Variants in RNF214 observed in about 807,000 individuals in gnomAD.
RNF214 encodes ring finger protein 214.
Under a neutral mutation model 75.9 loss-of-function variants are expected in RNF214, and 25 were observed. That is an observed-to-expected ratio of 0.33 (90% CI 0.24 to 0.46). The LOEUF is 0.46. Ranked by LOEUF, RNF214 falls within the 20% of genes least tolerant of loss-of-function variation. The pLI is 1.00. For synonymous variants in RNF214, 314 were observed against 308.8 expected (o/e 1.02, Z -0.18); for missense variants, 725 against 857.5 (o/e 0.85, Z 1.93).
At chr11:117,244,405 T>C in intron 4 of RNF214, 40 bp from the exon 5 acceptor site, 1 of 1,576,078 alleles carries the variant, frequency 6.3e-7, no homozygotes, top group Non-Finnish European at 8.7e-7. Flanking sequence ...TTCTTGTGAT[T>C]AAATTAGGAA....
At chr11:117,275,684 A>G (rs2034003006) in intron 6 of RNF214, among the ~76,000 whole-genome samples, 2 of 152,210 alleles carry the variant, frequency 1.3e-5, no homozygotes, top group South Asian at 4.1e-4. Context: ...CCAAGCTTGA[A>G]CCAGGAAGAA....
intron 6 of RNF214, among the ~76,000 whole-genome samples, chr11:117,266,732 T>TC (rs2033804014): frequency 6.6e-6 from 1 of 152,076 alleles, no homozygotes; most frequent in Non-Finnish European, 1.5e-5. Flanking sequence ...CTCCTGGGAC[T>TC]CCACTGTCAG....
chr11:117,235,351 T>C (rs59654783), intron 2 of RNF214, among the ~76,000 whole-genome samples: 3,225 of 151,610 alleles, frequency 0.021, 130 homozygotes, highest in African/African-American at 0.073. Flanking sequence ...CGCCCGCCAC[T>C]ACGCCCGGCT....
chr11:117,263,711 G>A (rs1404143694), intron 6 of RNF214: 1 of 159,306 alleles, frequency 6.3e-6, no homozygotes, highest in Non-Finnish European at 1.4e-5. Flanking sequence ...ACTTCTAGGG[G>A]GTGGCAGAAA....
intron 5 of RNF214, among the ~76,000 whole-genome samples, chr11:117,245,382 C>G (rs925873236): frequency 1.3e-5 from 2 of 151,120 alleles, no homozygotes; most frequent in African/African-American, 2.4e-5. Context: ...CTCTGTCACC[C>G]AGGCTGGAGT....
chr11:117,273,922 G>T (rs191814797), intron 6 of RNF214, among the ~76,000 whole-genome samples: 114 of 152,254 alleles, frequency 7.5e-4, no homozygotes, highest in Admixed American at 2.9e-3. Context: ...GGATCTGAAA[G>T]AATATCTTAA....
intron 5 of RNF214, among the ~76,000 whole-genome samples, chr11:117,246,313 G>A (rs2033224333): frequency 6.6e-6 from 1 of 151,456 alleles, no homozygotes; most frequent in South Asian, 2.1e-4. Flanking sequence ...TTGTACATAT[G>A]TATATCTGTG....
At chr11:117,249,124 C>G (rs2033305951) in intron 6 of RNF214, among the ~76,000 whole-genome samples, 1 of 152,130 alleles carries the variant, frequency 6.6e-6, no homozygotes. Context: ...GAGAATCTCA[C>G]TCGTTGACCA....
intron 4 of RNF214, among the ~76,000 whole-genome samples, chr11:117,241,879 A>G (rs1020085636): frequency 3.3e-5 from 5 of 152,212 alleles, no homozygotes; most frequent in African/African-American, 9.6e-5. Context: ...AGAACCATAT[A>G]TAATAGTACA....
chr11:117,284,802 C>A (rs953174026), intron 14 of RNF214, among the ~76,000 whole-genome samples: 2 of 152,056 alleles, frequency 1.3e-5, no homozygotes, highest in African/African-American at 4.8e-5. Flanking sequence ...CGGTGGTGAA[C>A]GCCTGTAATC....
At chr11:117,283,349 A>G (rs2134424471) in intron 14 of RNF214, 139 bp downstream of exon 14, 3 of 644,734 alleles carry the variant, frequency 4.7e-6, no homozygotes, top group African/African-American at 1.9e-5. Flanking sequence ...CTCATCATTA[A>G]TATCTTTTTT....
intron 14 of RNF214, among the ~76,000 whole-genome samples, chr11:117,284,037 C>T (rs914592019): frequency 6.6e-6 from 1 of 152,224 alleles, no homozygotes; most frequent in Non-Finnish European, 1.5e-5. Flanking sequence ...TAGGATCTCT[C>T]AGCTTTTTAC....
chr11:117,283,142 A>G lies in RNF214; in HGVS notation c.1978A>G (p.Met660Val). The change falls in exon 14 of 15, where the codon ATG becomes GTG. Residue 660 changes from methionine to valine, a missense_variant. This residue lies in a region of RNF214 where 363 missense variants were observed against 513.0 expected (regional missense o/e 0.71). Coordinates refer to ENST00000300650, the MANE Select transcript of RNF214 (RefSeq NM_207343.4). ...HAPATCKLCL[M>V]CQKLVQPSEL... ...TCCAGCCACCTGTAAGCTATGTCTA[A>G]TGTGCCAGAAACTCGTCCAGCCCAG... 1 of 1,614,124 alleles carries G rather than the reference A, an allele frequency of 6.2e-7. No homozygotes were observed. Among genetic ancestry groups the G allele is most frequent in the Non-Finnish European group, 8.5e-7 (1 of 1,179,988 alleles).
At position 117,240,142 on chromosome 11, in the gene RNF214, C is replaced by T. The variant is rs182167008; in HGVS notation, c.678+282C>T. 1.8e-4 allele frequency among the ~76,000 whole-genome samples: 27 copies of T among 151,504 alleles called. 2 individuals are homozygous for T. Among genetic ancestry groups the T allele is most frequent in the African/African-American group, 6.5e-4 (27 of 41,280 alleles). ...CCGAAGTGGGTGGATCGCTTGAGCC[C>T]TGGAGTTTGAGACCAGCCTGGGCAA... On this transcript the variant is annotated intron_variant, in intron 4 of 14. Coordinates refer to ENST00000300650, the MANE Select transcript of RNF214 (RefSeq NM_207343.4).
chr11:117,236,804 C>G (rs74808315), intron 2 of RNF214, among the ~76,000 whole-genome samples: 4,367 of 152,322 alleles, frequency 0.029, 94 homozygotes, highest in Non-Finnish European at 0.044. Flanking sequence ...ACTTCATACA[C>G]TAGTAATAAT....
chr11:117,281,674 C>T lies in RNF214; in HGVS notation c.1311C>T (p.Pro437=), dbSNP rs775544247. 1.8e-5 allele frequency: 29 copies of T among 1,613,382 alleles called. 1 individual carries two copies. The South Asian group carries it at 3.1e-4, about 17-fold the overall frequency. The change falls in exon 10 of 15, where the codon CCC becomes CCT. Residue 437 remains proline, a synonymous_variant. Transcript: ENST00000300650. ...GCAGCCTTCCTCAAATCCCTACTCC[C>T]ACTTTACCTCCACCCCCATCAGAGG... ...KLSSLPQIPT[P]TLPPPPSETD...
At chr11:117,252,487 C>T (rs2033420596) in intron 6 of RNF214, among the ~76,000 whole-genome samples, 1 of 152,044 alleles carries the variant, frequency 6.6e-6, no homozygotes, top group South Asian at 2.1e-4. Flanking sequence ...GCCTTCTTTG[C>T]AAAATTGCCT....
intron 6 of RNF214, chr11:117,263,743 G>A (rs2033731946): frequency 1.3e-5 from 2 of 159,754 alleles, no homozygotes; most frequent in African/African-American, 4.8e-5. Flanking sequence ...CAAGCGAGGG[G>A]AAGAAACATA....
At position 117,285,220 on chromosome 11, in the gene RNF214, A is replaced by G; in HGVS notation, c.*69A>G. ...AGGAAGCGCGGGTTCAAGATTTCTAAAACTCTATATTTATACAGTGACATA... is the reference window on the plus strand; with the variant it reads ...AGGAAGCGCGGGTTCAAGATTTCTAGAACTCTATATTTATACAGTGACATA... On this transcript the variant is annotated 3_prime_UTR_variant, in exon 15 of 15. Coordinates refer to ENST00000300650, the MANE Select transcript of RNF214 (RefSeq NM_207343.4). The G allele has an allele frequency of 1.9e-6, 2 of 1,045,926 alleles. No homozygotes were observed. The highest frequency in any genetic ancestry group is 1.5e-6 in the Non-Finnish European group (1 of 664,540). The allele number at this position is 1,045,926 out of a possible 1,614,324, so 64.8% of individuals were successfully genotyped here. A position where few individuals can be genotyped will look rare whatever the true frequency, so the allele number is the denominator to read the frequency against.
Sources: allele counts gnomAD v4.1 joint callset (sites outside exome capture counted in the v4.1 genomes callset), GRCh38; gene constraint gnomAD v4.1.1; regional missense constraint gnomAD v4.1.1; transcripts MANE v1.5; gene names NCBI Gene and HGNC (gene_info 2026-07-23, HGNC 2026-07-21).